The following MYH10 variants were observed in gnomAD, a reference collection of about 807,000 sequenced individuals.
MYH10 encodes myosin-10.
A neutral mutation model predicts 257.8 loss-of-function variants in MYH10; 55 were observed. The ratio of observed to expected loss-of-function variants is 0.21; its 90% CI spans 0.17 to 0.27. The LOEUF (loss-of-function observed/expected upper bound fraction) is 0.27. MYH10 is among the 10% of genes least tolerant of loss of function. MYH10 has a pLI of 1.00. For synonymous variants in MYH10, 854 were observed against 921.7 expected (o/e 0.93, Z 1.33); for missense variants, 1,631 against 2,500.6 (o/e 0.65, Z 7.42).
chr17:8,612,503 T>G (rs1348267889), intron 2 of MYH10, among the ~76,000 whole-genome samples: 1 of 152,226 alleles, frequency 6.6e-6, no homozygotes, highest in African/African-American at 2.4e-5. Flanking sequence ...ATTGCTCTAT[T>G]TTAATAGTTA....
At position 8,623,221 on chromosome 17, in the gene MYH10, T is replaced by C. The variant is rs372687399; in HGVS notation, c.26A>G (p.Asp9Gly). 1.5e-5 allele frequency: 24 copies of C among 1,597,388 alleles called. No individual in the cohort carries two copies. The highest frequency in any genetic ancestry group is 1.9e-5 in the Non-Finnish European group (22 of 1,173,894). ...GTCCACAAAGAGATACCTCTCTGGA[T>C]CCTCGAGTCCAGTTCTCTGCGCCAT... MAQRTGLE[D>G]PERYLFVDRA... The change falls in exon 2 of 43, where the codon GAT (aspartate) becomes GGT (glycine). Residue 9 changes from aspartate to glycine, a missense_variant. By Grantham distance (94) the Asp-to-Gly change is moderately conservative. Coordinates refer to ENST00000360416, the MANE Select transcript of MYH10 (RefSeq NM_001256012.3).
intron 6 of MYH10, among the ~76,000 whole-genome samples, chr17:8,572,674 C>T (rs2083388070): frequency 6.6e-6 from 1 of 152,010 alleles, no homozygotes; most frequent in Non-Finnish European, 1.5e-5. Flanking sequence ...ATTTATGGGT[C>T]CTCAGAGTCA....
intron 3 of MYH10, among the ~76,000 whole-genome samples, chr17:8,597,462 A>C (rs1267192731): frequency 6.6e-6 from 1 of 151,974 alleles, no homozygotes. Context: ...GAGGGAATCC[A>C]GAATAGTTAG....
intron 2 of MYH10, among the ~76,000 whole-genome samples, chr17:8,605,978 AT>A (rs899197441): frequency 1.7e-4 from 26 of 151,634 alleles, no homozygotes; most frequent in African/African-American, 4.6e-4. Context: ...AAATACAGGG[AT>A]TTTTTTTTCT....
At chr17:8,621,311 A>C (rs1373528358) in intron 2 of MYH10, among the ~76,000 whole-genome samples, 1 of 152,000 alleles carries the variant, frequency 6.6e-6, no homozygotes, top group Non-Finnish European at 1.5e-5. Flanking sequence ...TCACCCCATG[A>C]TCCCTGTTCC....
In MYH10 at chr17:8,487,337, C is replaced by A. The variant is rs7219356; in HGVS notation, c.5046+96G>T. Reference sequence around the variant, plus strand: ...GCCCCACCCCCGGCCACGCTGACAGCGGTGCTGTGCCCCCCAGCTTCACTG... The same window carrying A: ...GCCCCACCCCCGGCCACGCTGACAGAGGTGCTGTGCCCCCCAGCTTCACTG... On this transcript the variant is annotated intron_variant, in intron 36 of 42. Coordinates refer to ENST00000360416, the MANE Select transcript of MYH10 (RefSeq NM_001256012.3). 4,021 of 1,458,456 alleles carry A rather than the reference C, an allele frequency of 2.8e-3. 94 individuals carry two copies. The African/African-American group carries it at 0.049, about 18-fold the overall frequency. 90.3% of individuals were successfully genotyped at this position (1,458,456 alleles called of 1,614,324 possible).
intron 35 of MYH10, among the ~76,000 whole-genome samples, chr17:8,489,978 T>C (rs1359941429): frequency 6.6e-6 from 1 of 152,184 alleles, no homozygotes; most frequent in Non-Finnish European, 1.5e-5. Context: ...ACTTGGAATC[T>C]GAACCACAGA....
intron 10 of MYH10, 51 bp downstream of exon 10, chr17:8,548,593 G>GTA (rs2082518847): frequency 2.5e-6 from 4 of 1,592,306 alleles, no homozygotes; most frequent in Non-Finnish European, 3.4e-6. Context: ...TACCCCAGAT[G>GTA]TATAAGTCTT....
At chr17:8,480,346 T>A (rs1567766573) in intron 39 of MYH10, 28 bp from the exon 40 acceptor site, 1 of 1,613,290 alleles carries the variant, frequency 6.2e-7, no homozygotes, top group East Asian at 2.2e-5. Flanking sequence ...GTTTAGTCAC[T>A]TGTGCCTGAG....
intron 40 of MYH10, among the ~76,000 whole-genome samples, chr17:8,479,067 A>T (rs1276639541): frequency 1.3e-5 from 2 of 152,220 alleles, no homozygotes; most frequent in African/African-American, 4.8e-5. Context: ...TGTTACATAC[A>T]ATCTACCTGT....
chr17:8,511,135 G>T (rs1305506414), intron 24 of MYH10: 1 of 147,876 alleles, frequency 6.8e-6, no homozygotes, highest in African/African-American at 2.5e-5. Flanking sequence ...AAGTGTTACA[G>T]CTCTTTTAGA....
intron 37 of MYH10, among the ~76,000 whole-genome samples, chr17:8,483,009 GCT>G (rs1914114817): frequency 6.6e-6 from 1 of 152,166 alleles, no homozygotes; most frequent in Admixed American, 6.5e-5. Flanking sequence ...AGGTCCCAGA[GCT>G]CTTTCTCAGC....
chr17:8,594,471 A>G lies in MYH10; in HGVS notation c.503-5363T>C, dbSNP rs149350982. 1.7e-4 allele frequency among the ~76,000 whole-genome samples: 26 copies of G among 152,342 alleles called. No homozygotes were observed. The East Asian group carries it at 3.3e-3, about 19-fold the overall frequency. On this transcript the variant is annotated intron_variant, in intron 3 of 42. Transcript: ENST00000360416. ...GATGGCGAACACCTGGAATTCATCT[A>G]TTGCTGGTAGAAATGCAAAATGGCA... is the stretch of plus-strand genomic sequence containing the variant.
chr17:8,610,368 C>G (rs1816463405), intron 2 of MYH10, among the ~76,000 whole-genome samples: 1 of 147,240 alleles, frequency 6.8e-6, no homozygotes, highest in South Asian at 2.2e-4. Context: ...GTGGGAAGAT[C>G]ACTTGAGCTC....
At chr17:8,515,017 G>A (rs1384827869) in intron 21 of MYH10, among the ~76,000 whole-genome samples, 1 of 152,124 alleles carries the variant, frequency 6.6e-6, no homozygotes, top group Non-Finnish European at 1.5e-5. Context: ...CACTCACACG[G>A]CTGCGCTCCC....
intron 2 of MYH10, among the ~76,000 whole-genome samples, chr17:8,617,635 G>A (rs2085318515): frequency 6.6e-6 from 1 of 152,098 alleles, no homozygotes; most frequent in Non-Finnish European, 1.5e-5. Context: ...CTTACAGAAA[G>A]GCATGCTTAC....
chr17:8,503,134 T>A (rs1477363908), intron 28 of MYH10, among the ~76,000 whole-genome samples: 1 of 151,892 alleles, frequency 6.6e-6, no homozygotes, highest in African/African-American at 2.4e-5. Context: ...AAATACAAAA[T>A]TAGCCGGGCG....
chr17:8,546,290 C>T (rs1597793609), intron 12 of MYH10, among the ~76,000 whole-genome samples: 1 of 151,940 alleles, frequency 6.6e-6, no homozygotes, highest in African/African-American at 2.4e-5. Context: ...AACTCCTGAC[C>T]TCAGGTGATC....
chr17:8,492,329 G>A lies in MYH10; in HGVS notation c.4639C>T (p.Leu1547Phe). 1 of 1,613,584 alleles carries A rather than the reference G, an allele frequency of 6.2e-7. No homozygotes were observed. Among genetic ancestry groups the A allele is most frequent in the Non-Finnish European group, 8.5e-7 (1 of 1,180,028 alleles). The change falls in exon 34 of 43, where the codon CTC (leucine) becomes TTC (phenylalanine). Residue 1547 changes from leucine to phenylalanine, a missense_variant. Physicochemically the swap from Leu to Phe is conservative, Grantham distance 22. Transcript: ENST00000360416. ...NKQLRADMED[L>F]MSSKDDVGKN... is the part of the protein sequence containing the mutation. ...CCCACATCATCTTTGGAGCTCATGA[G>A]GTCTTCCATGTCTGCTCGGAGCTGC...
Sources: gnomAD v4.1 joint callset for allele counts (sites outside exome capture counted in the v4.1 genomes callset) on GRCh38, gnomAD v4.1.1 for gene constraint, MANE v1.5 for transcripts, NCBI Gene and HGNC (gene_info 2026-07-23, HGNC 2026-07-21) for gene names.